The following NCOR2 variants were observed in gnomAD, a reference collection of about 807,000 sequenced individuals.
NCOR2 encodes the protein nuclear receptor corepressor 2.
Under a neutral mutation model 262.9 loss-of-function variants are expected in NCOR2, and 81 were observed. That is an observed-to-expected ratio of 0.31 (90% CI 0.26 to 0.37). The LOEUF is 0.37. Ranked by LOEUF, NCOR2 falls within the 10% of genes least tolerant of loss-of-function variation. The pLI is 1.00. For missense variants in NCOR2, 3,385 were observed against 3,621.4 expected, an observed-to-expected ratio of 0.93 and a Z score of 1.68; for synonymous variants, 1,659 against 1,559.3, an observed-to-expected ratio of 1.06 and a Z score of -1.51.
chr12:124,335,427 C>T (rs1177547715), intron 39 of NCOR2, 56 bp downstream of exon 41: 1 of 1,566,852 alleles, frequency 6.4e-7, no homozygotes, highest in Non-Finnish European at 8.6e-7. Context: ...ATGATGGGGC[C>T]TTGAGGGTCC....
intron 20 of NCOR2, among the ~76,000 whole-genome samples, chr12:124,370,142 C>G (rs1436838707): frequency 2.0e-5 from 3 of 152,206 alleles, no homozygotes; most frequent in Non-Finnish European, 4.4e-5. Flanking sequence ...CTGCCTGCCT[C>G]CAGGGCAGAC....
chr12:124,486,561 C>G, exon 2 of NCOR2: 1 of 1,573,804 alleles, frequency 6.4e-7, no homozygotes, highest in Non-Finnish European at 8.6e-7. Context: ...CTCCAGGAGC[C>G]CGACGTCCTG....
At chr12:124,555,649 A>G (rs928634058) in intron 1 of NCOR2, among the ~76,000 whole-genome samples, 1 of 152,200 alleles carries the variant, frequency 6.6e-6, no homozygotes, top group Admixed American at 6.5e-5. Context: ...AGGGTCTCCT[A>G]TCTTGCCAAA....
intron 15 of NCOR2, among the ~76,000 whole-genome samples, chr12:124,398,929 T>C (rs565670913): frequency 6.6e-6 from 1 of 152,340 alleles, no homozygotes; most frequent in Non-Finnish European, 1.5e-5. Flanking sequence ...ATCTCTGCAG[T>C]GGCACTATTT....
At chr12:124,515,566 A>C (rs549426815) in intron 1 of NCOR2, among the ~76,000 whole-genome samples, 1 of 151,706 alleles carries the variant, frequency 6.6e-6, no homozygotes, top group East Asian at 1.9e-4. Context: ...CACTTGTGTG[A>C]GTGTGTGTGT....
At chr12:124,426,915 C>T (rs2043582380) in intron 10 of NCOR2, 115 bp from the exon 13 acceptor site, 5 of 943,716 alleles carry the variant, frequency 5.3e-6, no homozygotes, top group African/African-American at 1.6e-5. Flanking sequence ...GCAGGGAAAA[C>T]GCGAAACCAA....
chr12:124,547,222 G>A (rs2051571240), intron 1 of NCOR2, among the ~76,000 whole-genome samples: 2 of 151,926 alleles, frequency 1.3e-5, no homozygotes, highest in African/African-American at 4.8e-5. Context: ...CGAACTCCTG[G>A]CCTCAAGAGA....
At chr12:124,324,847 T>C (rs538820024) in exon 47 of NCOR2, 1 of 152,630 alleles carries the variant, frequency 6.6e-6, no homozygotes, top group African/African-American at 2.4e-5. Context: ...CCTGGCCCTT[T>C]TGTCCGCCCA....
intron 34 of NCOR2, 101 bp from the exon 37 acceptor site, chr12:124,340,852 G>A: frequency 5.9e-6 from 7 of 1,177,656 alleles, no homozygotes; most frequent in Non-Finnish European, 7.7e-6. Flanking sequence ...ACACACTCCT[G>A]GAGCCAGCAG....
intron 38 of NCOR2, 160 bp from the exon 41 acceptor site, chr12:124,335,792 G>A (rs1006106483): frequency 3.9e-6 from 3 of 767,804 alleles, no homozygotes; most frequent in Non-Finnish European, 6.1e-6. Context: ...GCAGAGAGGG[G>A]TGTTGGGGAG....
At chr12:124,356,491 C>T in intron 23 of NCOR2, 151 bp downstream of exon 25, 1 of 684,602 alleles carries the variant, frequency 1.5e-6, no homozygotes, top group African/African-American at 1.9e-5. Flanking sequence ...TAAAAGATCT[C>T]CCCCTTTCCC....
chr12:124,450,029 C>T (rs1449242624), intron 6 of NCOR2, among the ~76,000 whole-genome samples, 162 bp from the exon 9 acceptor site: 2 of 152,234 alleles, frequency 1.3e-5, no homozygotes, highest in Admixed American at 1.3e-4. Flanking sequence ...AGCACGCAGC[C>T]CCAGCCAGGA....
chr12:124,479,509 A>ACGCACATGCG (rs1169792909), intron 3 of NCOR2, among the ~76,000 whole-genome samples: 2 of 149,626 alleles, frequency 1.3e-5, no homozygotes, highest in East Asian at 2.0e-4. Context: ...GCGCATACAC[A>ACGCACATGCG]CGCACATGCG....
chr12:124,550,009 A>C (rs542265487), intron 1 of NCOR2, among the ~76,000 whole-genome samples: 2 of 152,334 alleles, frequency 1.3e-5, no homozygotes, highest in East Asian at 3.9e-4. Flanking sequence ...CCTGTATCGC[A>C]GGGGTCTGGC....
chr12:124,369,990 A>G (rs1261646823), intron 20 of NCOR2, among the ~76,000 whole-genome samples: 1 of 152,190 alleles, frequency 6.6e-6, no homozygotes, highest in Non-Finnish European at 1.5e-5. Context: ...GAGGCAGCTT[A>G]TCAATGGGGC....
At chr12:124,433,877 C>CACACACAA (rs2044155752) in intron 8 of NCOR2, among the ~76,000 whole-genome samples, 1 of 119,354 alleles carries the variant, frequency 8.4e-6, no homozygotes, top group African/African-American at 4.1e-5. Flanking sequence ...CACACACACA[C>CACACACAA]ACACACACAC....
At position 124,523,470 on chromosome 12, in the gene NCOR2, G is replaced by A. The variant is rs1005228132; in HGVS notation, c.-118+12095C>T. On this transcript the variant is annotated intron_variant, in intron 1 of 46. Coordinates refer to the NCOR2 transcript ENST00000404621. The surrounding 1 kb of genome is among the most constrained non-coding windows in gnomAD (Gnocchi z 4.0). ...ACCTAACCCGGGAAGGACACATCAC[G>A]CCGGCCAGCATCACCCAAGCTCTCA... Among the ~76,000 whole-genome samples, 2 of 152,080 alleles carry A rather than the reference G, an allele frequency of 1.3e-5. No individual in the cohort carries two copies. The highest frequency in any genetic ancestry group is 6.6e-5 in the Admixed American group (1 of 15,260).
chr12:124,411,801 G>A (rs3782265), intron 13 of NCOR2, among the ~76,000 whole-genome samples: 63,225 of 152,210 alleles, frequency 0.42, 15,938 homozygotes, highest in Non-Finnish European at 0.55. Context: ...GAGGATGCTC[G>A]GGCCTCAACC....
chr12:124,540,060 G>A (rs1485069503), upstream of NCOR2, among the ~76,000 whole-genome samples: 2 of 152,080 alleles, frequency 1.3e-5, no homozygotes, highest in Non-Finnish European at 2.9e-5. Flanking sequence ...GCCAGGTACA[G>A]GGGCATGACT....
Sources: allele counts gnomAD v4.1 joint callset (sites outside exome capture counted in the v4.1 genomes callset), GRCh38; gene constraint gnomAD v4.1.1; non-coding constraint Gnocchi (gnomAD v3.1); transcripts MANE v1.5; gene names NCBI Gene and HGNC (gene_info 2026-07-23, HGNC 2026-07-21).